The following BEGAIN variants were observed in gnomAD, a reference collection of about 807,000 sequenced individuals.
BEGAIN encodes the protein brain-enriched guanylate kinase-associated protein.
Under a neutral mutation model 35.8 loss-of-function variants are expected in BEGAIN, and 19 were observed. That is an observed-to-expected ratio of 0.53 (90% CI 0.37 to 0.78). BEGAIN has a LOEUF of 0.78. Among genes scored for constraint, BEGAIN ranks in the 30% least tolerant of loss-of-function variants. The pLI, the probability that BEGAIN is intolerant of heterozygous loss-of-function variation, is 0.00. For synonymous variants in BEGAIN, 462 were observed against 388.6 expected (o/e 1.19, Z -2.22); for missense variants, 795 against 853.6 (o/e 0.93, Z 0.85).
intron 2 of BEGAIN, among the ~76,000 whole-genome samples, chr14:100,555,696 C>A (rs1029121579): frequency 6.6e-6 from 1 of 152,246 alleles, no homozygotes; most frequent in African/African-American, 2.4e-5. Context: ...TTTAGCCATC[C>A]TGGTGCGTGT....
Position 100,542,995 on chromosome 14 carries a change from G to A in BEGAIN, c.408+863C>T, listed in dbSNP as rs988613070. Among the ~76,000 whole-genome samples, 7 of 152,126 alleles carry A rather than the reference G, an allele frequency of 4.6e-5. No individual in the cohort carries two copies. The East Asian group carries it at 5.8e-4, about 13-fold the overall frequency. On this transcript the variant is annotated intron_variant, in intron 5 of 6. Transcript: ENST00000554140. Reference sequence around the variant, plus strand: ...ACCTCAGACCCTGGCTCCCCCTCCCGCTGGGCGCTCCTTGGCCCCTTTGGG... The same window carrying A: ...ACCTCAGACCCTGGCTCCCCCTCCCACTGGGCGCTCCTTGGCCCCTTTGGG...
chr14:100,574,065 G>C (rs1301232815), intron 1 of BEGAIN, among the ~76,000 whole-genome samples: 1 of 152,172 alleles, frequency 6.6e-6, no homozygotes, highest in Non-Finnish European at 1.5e-5. Context: ...CAAGGACGGA[G>C]AGCCGCCTGG....
chr14:100,578,545 C>T (rs1221998891), intron 1 of BEGAIN, among the ~76,000 whole-genome samples: 1 of 152,226 alleles, frequency 6.6e-6, no homozygotes, highest in Non-Finnish European at 1.5e-5. Flanking sequence ...ACCACCTTTC[C>T]CAGGCTCCTA....
At chr14:100,540,604 GCGCCATTCACCCCA>G in intron 5 of BEGAIN, 25 bp from the exon 6 acceptor site, 1 of 1,563,814 alleles carries the variant, frequency 6.4e-7, no homozygotes. Flanking sequence ...AAGGCGTTTG[GCGCCATTCACCCCA>G]GCCAAGGCCC....
At position 100,568,297 on chromosome 14, in the gene BEGAIN, G is replaced by T; in HGVS notation, c.43-358C>A. 1.3e-6 allele frequency: 1 copy of T among 757,658 alleles called. No homozygotes were observed. The highest frequency in any genetic ancestry group is 1.9e-6 in the Non-Finnish European group (1 of 532,022). 46.9% of individuals were successfully genotyped at this position (757,658 alleles called of 1,614,324 possible). A position where few individuals can be genotyped will look rare whatever the true frequency, so the allele number is the denominator to read the frequency against. On this transcript the variant is annotated intron_variant, in intron 1 of 6. Coordinates refer to ENST00000554140, the MANE Select transcript of BEGAIN (RefSeq NM_001385089.1). The surrounding 1 kb of genome is among the most constrained non-coding windows in gnomAD (Gnocchi z 7.5). Reference sequence around the variant, plus strand: ...CCCCGTTAACTCTCCGGCGGCCGCGGCCCCGCTGCTCCCCCCGCCCCGCCC... The same window carrying T: ...CCCCGTTAACTCTCCGGCGGCCGCGTCCCCGCTGCTCCCCCCGCCCCGCCC...
Position 100,540,554 on chromosome 14 carries a change from A to G in BEGAIN, c.434T>C (p.Leu145Pro), listed in dbSNP as rs1165104417. ...DNELYRKDCN[L>P]AAQLLQCSQT... ...GCTGCACTGCAGCAGCTGGGCCGCT[A>G]GATTGCAGTCCTTCCTATAGAGCTC... The change falls in exon 6 of 7, where the codon CTA (leucine) becomes CCA (proline). Residue 145 changes from leucine (L) to proline (P), a missense_variant. Around this residue, in one of 3 missense-constraint regions of BEGAIN, gnomAD observed 73 missense variants for 143.2 expected, o/e 0.51. Transcript: ENST00000554140. 1 of 1,607,392 alleles carries G rather than the reference A, an allele frequency of 6.2e-7. No homozygotes were observed. The highest frequency in any genetic ancestry group is 2.2e-5 in the East Asian group (1 of 44,728).
chr14:100,544,967 G>C (rs777278140), intron 4 of BEGAIN, 33 bp downstream of exon 4: 17 of 1,601,614 alleles, frequency 1.1e-5, no homozygotes, highest in Non-Finnish European at 1.4e-5. Flanking sequence ...GGAGGTGTGG[G>C]GTGGGGGAGT....
At chr14:100,578,282 C>G (rs758397281) in intron 1 of BEGAIN, among the ~76,000 whole-genome samples, 30 of 152,266 alleles carry the variant, frequency 2.0e-4, no homozygotes, top group Non-Finnish European at 3.7e-4. Flanking sequence ...GGGCCTCCCC[C>G]TCTCCTACTC....
rs2034921020 is a variant in BEGAIN at position 100,568,577 on chromosome 14, G to A, written c.43-638C>T. The A allele has an allele frequency of 8.2e-7, 1 of 1,226,972 alleles. No homozygotes were observed. The highest frequency in any genetic ancestry group is 6.0e-5 in the East Asian group (1 of 16,792). 76.0% of individuals were successfully genotyped at this position (1,226,972 alleles called of 1,614,324 possible). On this transcript the variant is annotated intron_variant, in intron 1 of 6. Coordinates refer to ENST00000554140, the MANE Select transcript of BEGAIN (RefSeq NM_001385089.1). The surrounding 1 kb of genome is among the most constrained non-coding windows in gnomAD (Gnocchi z 7.5). The stretch of plus-strand genomic sequence containing the variant: ...TTAACCCGTGAGCGCCCGGCTCGCC[G>A]GCGGGGCTCCCTGCCTTGCTTGCGC...
In BEGAIN at chr14:100,563,503, A is replaced by G. The variant is rs971707402; in HGVS notation, c.71+4408T>C. Among the ~76,000 whole-genome samples the G allele has an allele frequency of 3.3e-5, 5 of 152,262 alleles. No homozygotes were observed. The highest frequency in any genetic ancestry group is 1.2e-4 in the African/African-American group (5 of 41,472). On this transcript the variant is annotated intron_variant, in intron 2 of 6. Coordinates refer to ENST00000554140, the MANE Select transcript of BEGAIN (RefSeq NM_001385089.1). The surrounding 1 kb of genome is among the most constrained non-coding windows in gnomAD (Gnocchi z 4.2). ...GCTGCATGTGTAACTGACAGTGTGA[A>G]GAGCTCCCACAAATCAATGGGAAAA...
In BEGAIN at chr14:100,538,503, G is replaced by A. The variant is rs770036623; in HGVS notation, c.1305C>T (p.Gly435=). The change falls in exon 7 of 7, where the codon GGC becomes GGT. Residue 435 remains glycine, a synonymous_variant. Coordinates refer to ENST00000554140, the MANE Select transcript of BEGAIN (RefSeq NM_001385089.1). ...CCTCCACGCTCAGGGGACGCCACTG[G>A]CCCCTCATGTCCTCCCCGGGGAGCC... The part of the protein sequence containing the change: ...TARLPGEDMR[G]QWRPLSVEDI... 4.6e-6 allele frequency: 7 copies of A among 1,535,782 alleles called. No homozygotes were observed. The highest frequency in any genetic ancestry group is 3.5e-6 in the Non-Finnish European group (4 of 1,146,188).
At position 100,586,241 on chromosome 14, in the gene BEGAIN, C is replaced by G. The variant is rs949738575; in HGVS notation, c.42+1008G>C. Among the ~76,000 whole-genome samples, 1 of 152,212 alleles carries G rather than the reference C, an allele frequency of 6.6e-6. No individual in the cohort carries two copies. The highest frequency in any genetic ancestry group is 1.5e-5 in the Non-Finnish European group (1 of 68,040). Reference sequence around the variant, plus strand: ...ACTAGGGTCCAGAGAAGGAAAAGAACCTGTCCATGGCCTCCAGAGAGCCAG... The same window carrying G: ...ACTAGGGTCCAGAGAAGGAAAAGAAGCTGTCCATGGCCTCCAGAGAGCCAG... On this transcript the variant is annotated intron_variant, in intron 1 of 6. Transcript: ENST00000554140. This position sits in a 1 kb window ranked among gnomAD's most constrained non-coding sequence, Gnocchi z 4.9.
chr14:100,541,547 C>T (rs976156507), intron 5 of BEGAIN, among the ~76,000 whole-genome samples: 1 of 152,228 alleles, frequency 6.6e-6, no homozygotes, highest in Non-Finnish European at 1.5e-5. Flanking sequence ...TCAGTGCCTC[C>T]CTGGGCCTCC....
At chr14:100,556,565 C>G (rs1349896658) in intron 2 of BEGAIN, among the ~76,000 whole-genome samples, 1 of 152,186 alleles carries the variant, frequency 6.6e-6, no homozygotes, top group Non-Finnish European at 1.5e-5. Flanking sequence ...TTCACCCCCT[C>G]CAGGAAGGGC....
Position 100,537,940 on chromosome 14 carries a change from G to T in BEGAIN, c.*29C>A. 6.3e-7 allele frequency: 1 copy of T among 1,578,178 alleles called. No homozygotes were observed. The highest frequency in any genetic ancestry group is 8.6e-7 in the Non-Finnish European group (1 of 1,163,386). On this transcript the variant is annotated 3_prime_UTR_variant, in exon 7 of 7. Coordinates refer to ENST00000554140, the MANE Select transcript of BEGAIN (RefSeq NM_001385089.1). ...TGGGGCACGTGGGCTGGCGGGGAGC[G>T]AACCACGGCCAGGCCTGCACGCAGG...
Position 100,579,471 on chromosome 14 carries a change from G to T in BEGAIN, c.42+7778C>A, listed in dbSNP as rs144515645. Among the ~76,000 whole-genome samples the T allele has an allele frequency of 2.3e-4, 35 of 152,300 alleles. 1 individual carries two copies. In the East Asian group the frequency reaches 6.2e-3, roughly 27 times the overall value. ...CACACAGAGATCCTTCCTAGGATGCGGCTTTAGGCTGCTAGACTGAAGGAA... is the reference window on the plus strand; with the variant it reads ...CACACAGAGATCCTTCCTAGGATGCTGCTTTAGGCTGCTAGACTGAAGGAA... On this transcript the variant is annotated intron_variant, in intron 1 of 6. Coordinates refer to ENST00000554140, the MANE Select transcript of BEGAIN (RefSeq NM_001385089.1).
In BEGAIN at chr14:100,568,273, C is replaced by T. The variant is rs892961663; in HGVS notation, c.43-334G>A. ...CCGGAGGAGGGGGACTCGGCCTGTC[C>T]CCGTTAACTCTCCGGCGGCCGCGGC... On this transcript the variant is annotated intron_variant, in intron 1 of 6. Transcript: ENST00000554140. This position sits in a 1 kb window ranked among gnomAD's most constrained non-coding sequence, Gnocchi z 7.5. The T allele has an allele frequency of 2.9e-6, 2 of 682,762 alleles. No homozygotes were observed. The highest frequency in any genetic ancestry group is 7.7e-5 in the East Asian group (1 of 13,058). The allele number at this position is 682,762 out of a possible 1,614,324, so 42.3% of individuals were successfully genotyped here.
rs937061844 is a variant in BEGAIN, at chr14:100,568,120, C to G, written c.43-181G>C. ...CGCGGCCCCCGTGACTCAGTGGGCG[C>G]GCCGGGCCGCGGCCGAGTAACAGGT... is the stretch of plus-strand genomic sequence containing the variant. On this transcript the variant is annotated intron_variant, in intron 1 of 6. Transcript: ENST00000554140. This position sits in a 1 kb window ranked among gnomAD's most constrained non-coding sequence, Gnocchi z 7.5. 3.0e-5 allele frequency: 31 copies of G among 1,016,580 alleles called. No homozygotes were observed. In the African/African-American group the frequency reaches 4.9e-4, roughly 16 times the overall value. The allele number at this position is 1,016,580 out of a possible 1,614,324, so 63.0% of individuals were successfully genotyped here.
At chr14:100,562,544 C>T (rs1449239980) in intron 2 of BEGAIN, among the ~76,000 whole-genome samples, 2 of 152,084 alleles carry the variant, frequency 1.3e-5, no homozygotes, top group African/African-American at 4.8e-5. Context: ...CTTTGACACC[C>T]CCTTTTCCCC....
Sources: gnomAD v4.1 joint callset for allele counts (sites outside exome capture counted in the v4.1 genomes callset) on GRCh38, gnomAD v4.1.1 for gene constraint, gnomAD v4.1.1 regional missense constraint, Gnocchi (gnomAD v3.1) non-coding constraint, MANE v1.5 for transcripts, NCBI Gene and HGNC (gene_info 2026-07-23, HGNC 2026-07-21) for gene names.